Variants in ETV6 observed in about 807,000 individuals in gnomAD.
ETV6 encodes transcription factor ETV6.
A neutral mutation model predicts 51.1 loss-of-function variants in ETV6; 16 were observed. The observed-to-expected ratio is 0.31, with a 90% CI of 0.21 to 0.48. The LOEUF is 0.48. Among genes scored for constraint, ETV6 ranks in the 20% least tolerant of loss-of-function variants. The probability of loss-of-function intolerance (pLI) is 0.99; values close to 1 mark genes in which losing one functional copy is unlikely to be tolerated. For missense variants in ETV6, 458 were observed against 594.8 expected, an observed-to-expected ratio of 0.77 and a Z score of 2.39; for synonymous variants, 240 against 224.1, an observed-to-expected ratio of 1.07 and a Z score of -0.64.
chr12:11,720,376 C>T (rs1865360168), intron 1 of ETV6, among the ~76,000 whole-genome samples: 1 of 152,194 alleles, frequency 6.6e-6, no homozygotes. Context: ...TTAGTTCTGA[C>T]ACTTATGAAC....
chr12:11,838,089 A>G (rs1946341173), intron 2 of ETV6, among the ~76,000 whole-genome samples: 1 of 152,236 alleles, frequency 6.6e-6, no homozygotes, highest in Admixed American at 6.5e-5. Context: ...GTCTCTTAAA[A>G]TCTGGCTTAA....
At position 11,659,283 on chromosome 12, in the gene ETV6, C is replaced by T. The variant is rs567180254; in HGVS notation, c.33+9123C>T. ...TGTGGACCTAAATTCGATCCTAAGT[C>T]ATTCTTTGTATGTACATGGCAGATG... On this transcript the variant is annotated intron_variant, in intron 1 of 7. Transcript: ENST00000396373. Among the ~76,000 whole-genome samples the T allele has an allele frequency of 7.9e-5, 12 of 152,290 alleles. No individual in the cohort carries two copies. In the East Asian group the frequency reaches 2.3e-3, roughly 29 times the overall value.
At chr12:11,792,971 G>A (rs902084642) in intron 2 of ETV6, among the ~76,000 whole-genome samples, 4 of 152,196 alleles carry the variant, frequency 2.6e-5, no homozygotes, top group South Asian at 2.1e-4. Context: ...AGGGGGCTAC[G>A]GGAGGGGTGG....
chr12:11,811,441 C>T (rs1056979323), intron 2 of ETV6, among the ~76,000 whole-genome samples: 6 of 152,154 alleles, frequency 3.9e-5, no homozygotes, highest in African/African-American at 1.4e-4. Context: ...ACTTCCCAGC[C>T]CTTCCTTGGG....
intron 1 of ETV6, among the ~76,000 whole-genome samples, chr12:11,713,243 T>C (rs879514778): frequency 6.6e-6 from 1 of 152,230 alleles, no homozygotes; most frequent in Non-Finnish European, 1.5e-5. Flanking sequence ...ATGATATTTA[T>C]CTGATACAGT....
intron 4 of ETV6, among the ~76,000 whole-genome samples, chr12:11,854,188 A>G (rs995411212): frequency 5.9e-5 from 9 of 152,050 alleles, no homozygotes; most frequent in African/African-American, 1.7e-4. Context: ...GATCCCGCGC[A>G]TGCACAGTTC....
intron 2 of ETV6, among the ~76,000 whole-genome samples, chr12:11,796,773 T>TG (rs1945682870): frequency 1.8e-5 from 2 of 108,646 alleles, no homozygotes; most frequent in African/African-American, 6.8e-5. Flanking sequence ...TTTCTTTTTT[T>TG]TTTTTTTGTG....
chr12:11,784,458 C>CAAAA (rs33973168), intron 2 of ETV6, among the ~76,000 whole-genome samples: 1 of 118,280 alleles, frequency 8.5e-6, no homozygotes, highest in South Asian at 2.9e-4. Flanking sequence ...GACTCCATCT[C>CAAAA]AAAAAAAAAA....
At chr12:11,767,662 C>T (rs1373633210) in intron 2 of ETV6, among the ~76,000 whole-genome samples, 3 of 152,146 alleles carry the variant, frequency 2.0e-5, no homozygotes, top group Admixed American at 6.5e-5. Context: ...AACTCTATGA[C>T]CTTAATAAAC....
chr12:11,667,771 C>G lies in ETV6; in HGVS notation c.33+17611C>G, dbSNP rs572128724. ...AGGCTGGAGTGTAGTGGCATGGTCT[C>G]GGCTTACTGCAGCCTCCGCCTCCCA... On this transcript the variant is annotated intron_variant, in intron 1 of 7. Coordinates refer to ENST00000396373, the MANE Select transcript of ETV6 (RefSeq NM_001987.5). Among the ~76,000 whole-genome samples the G allele has an allele frequency of 5.7e-5, 8 of 140,006 alleles. No individual in the cohort carries two copies. The East Asian group carries it at 1.7e-3, about 30-fold the overall frequency. The allele number at this position is 140,006 out of a possible 152,430, so 91.8% of individuals were successfully genotyped here.
intron 2 of ETV6, among the ~76,000 whole-genome samples, chr12:11,782,882 T>G (rs761018104): frequency 1.3e-5 from 2 of 152,176 alleles, no homozygotes; most frequent in Non-Finnish European, 2.9e-5. Context: ...TAAGTATACA[T>G]CTATTGACTG....
intron 1 of ETV6, among the ~76,000 whole-genome samples, chr12:11,691,625 T>A (rs2120796688): frequency 6.6e-6 from 1 of 152,352 alleles, no homozygotes; most frequent in East Asian, 1.9e-4. Context: ...ACTTTTTTAC[T>A]TAACGTCTCG....
intron 1 of ETV6, among the ~76,000 whole-genome samples, chr12:11,731,964 G>A (rs888243294): frequency 1.3e-5 from 2 of 151,970 alleles, no homozygotes; most frequent in Admixed American, 1.3e-4. Context: ...CCACATCCCC[G>A]GAACCCCTTC....
intron 4 of ETV6, among the ~76,000 whole-genome samples, chr12:11,868,113 C>A (rs1946818605): frequency 6.6e-6 from 1 of 152,238 alleles, no homozygotes. Context: ...CACTCAGGAG[C>A]AAAGTGCTCC....
At chr12:11,840,337 A>G (rs1946370979) in intron 3 of ETV6, 2 of 438,576 alleles carry the variant, frequency 4.6e-6, no homozygotes, top group Admixed American at 2.5e-5. Context: ...CCCTGTGGAT[A>G]TTTAGAAGGT....
At chr12:11,728,992 G>A (rs113714922) in intron 1 of ETV6, among the ~76,000 whole-genome samples, 17 of 152,190 alleles carry the variant, frequency 1.1e-4, no homozygotes, top group South Asian at 4.1e-4. Flanking sequence ...TATGTACTAC[G>A]GTAGGTTGGG....
intron 2 of ETV6, chr12:11,768,959 T>G (rs750241706): frequency 4.1e-6 from 2 of 483,732 alleles, no homozygotes; most frequent in Non-Finnish European, 8.3e-6. Flanking sequence ...TCAAATCTTG[T>G]TCTGTTTAAC....
At chr12:11,875,802 T>G (rs1203048190) in intron 5 of ETV6, among the ~76,000 whole-genome samples, 1 of 151,894 alleles carries the variant, frequency 6.6e-6, no homozygotes, top group African/African-American at 2.4e-5. Context: ...CCACCATGCG[T>G]TTTTTTTAAA....
intron 2 of ETV6, among the ~76,000 whole-genome samples, chr12:11,827,070 TCACA>T (rs55959869): frequency 0.034 from 4,902 of 145,096 alleles, 188 homozygotes; most frequent in African/African-American, 0.089. Context: ...GAAGTCTGTC[TCACA>T]CACACACACA....
Sources: gnomAD v4.1 joint callset for allele counts (sites outside exome capture counted in the v4.1 genomes callset) on GRCh38, gnomAD v4.1.1 for gene constraint, MANE v1.5 for transcripts, NCBI Gene and HGNC (gene_info 2026-07-23, HGNC 2026-07-21) for gene names.